The following PRKCZ variants were observed in gnomAD, a reference collection of about 807,000 sequenced individuals.
PRKCZ encodes the protein protein kinase C zeta type.
PRKCZ carries 33 observed loss-of-function variants against 79.5 expected under a neutral mutation model. The ratio of observed to expected loss-of-function variants is 0.41; its 90% CI spans 0.31 to 0.55. PRKCZ has a LOEUF of 0.55. Ranked by LOEUF, PRKCZ falls within the 20% of genes least tolerant of loss-of-function variation. The pLI, the probability that PRKCZ is intolerant of heterozygous loss-of-function variation, is 0.19. For synonymous variants in PRKCZ, 342 were observed against 320.9 expected, an observed-to-expected ratio of 1.07 and a Z score of -0.70; for missense variants, 578 against 813.5, an observed-to-expected ratio of 0.71 and a Z score of 3.52.
At chr1:2,068,235 C>T (rs1557488207) in intron 4 of PRKCZ, among the ~76,000 whole-genome samples, 1 of 152,214 alleles carries the variant, frequency 6.6e-6, no homozygotes, top group African/African-American at 2.4e-5. Flanking sequence ...GGCCCGGCTT[C>T]GATGCGGCCA....
intron 4 of PRKCZ, among the ~76,000 whole-genome samples, chr1:2,134,661 C>G (rs756928735): frequency 6.6e-6 from 1 of 152,136 alleles, no homozygotes; most frequent in African/African-American, 2.4e-5. Context: ...GCTCTCCTGC[C>G]CTGAGATTTA....
intron 3 of PRKCZ, among the ~76,000 whole-genome samples, chr1:2,058,954 G>A (rs1660429504): frequency 6.6e-6 from 1 of 151,980 alleles, no homozygotes; most frequent in South Asian, 2.1e-4. Flanking sequence ...ACTTTTATGT[G>A]TATACACACA....
intron 4 of PRKCZ, among the ~76,000 whole-genome samples, chr1:2,119,904 A>T (rs967062306): frequency 2.6e-5 from 4 of 151,208 alleles, no homozygotes; most frequent in Non-Finnish European, 5.9e-5. Flanking sequence ...CTCCTGGCTC[A>T]GCCTCCTGAG....
intron 4 of PRKCZ, among the ~76,000 whole-genome samples, chr1:2,061,903 G>A (rs1660709459): frequency 2.0e-5 from 3 of 152,222 alleles, no homozygotes; most frequent in Admixed American, 2.0e-4. Flanking sequence ...CTGGGGCTCT[G>A]TGGTTTTAGC....
intron 2 of PRKCZ, 44 bp from the exon 3 acceptor site, chr1:2,056,440 C>T: frequency 6.4e-7 from 1 of 1,573,408 alleles, no homozygotes; most frequent in Non-Finnish European, 8.7e-7. Flanking sequence ...CCCCCTTTGC[C>T]TCGGGCCTTC....
At chr1:2,054,941 A>ATTTTTT (rs552863793) in intron 1 of PRKCZ, among the ~76,000 whole-genome samples, 1 of 123,634 alleles carries the variant, frequency 8.1e-6, no homozygotes, top group Admixed American at 8.3e-5. Context: ...GATGGTGGTC[A>ATTTTTT]TTTTTTTTTT....
At chr1:2,050,040 G>C (rs886662055), upstream of PRKCZ, 1 of 152,324 alleles carries the variant, frequency 6.6e-6, no homozygotes, top group African/African-American at 2.4e-5. Context: ...CTGGACGGCG[G>C]GGCCCTCGGG....
intron 16 of PRKCZ, among the ~76,000 whole-genome samples, chr1:2,183,359 A>C (rs1166727742): frequency 2.6e-5 from 4 of 152,054 alleles, no homozygotes; most frequent in Non-Finnish European, 5.9e-5. Flanking sequence ...GCGCCACTGC[A>C]CTCCAGCCTG....
In PRKCZ at chr1:2,131,912, C is replaced by T. The variant is rs140260323; in HGVS notation, c.335-3350C>T. 4.2e-3 allele frequency among the ~76,000 whole-genome samples: 633 copies of T among 152,314 alleles called. 3 individuals are homozygous for T. The highest frequency in any genetic ancestry group is 0.014 in the African/African-American group (599 of 41,564). ...CTGCAAGCTCCACCTCCCGGGTTCA[C>T]GCCATTCTCCTGCCTCAGCCTCCCA... On this transcript the variant is annotated intron_variant, in intron 4 of 17. Transcript: ENST00000378567.
Position 2,172,839 on chromosome 1 carries a change from G to A in PRKCZ, c.1285+451G>A, listed in dbSNP as rs886288127. Among the ~76,000 whole-genome samples, 2 of 152,224 alleles carry A rather than the reference G, an allele frequency of 1.3e-5. No individual in the cohort carries two copies. Among genetic ancestry groups the A allele is most frequent in the African/African-American group, 2.4e-5 (1 of 41,452 alleles). On this transcript the variant is annotated intron_variant, in intron 13 of 17. Transcript: ENST00000378567. This position sits in a 1 kb window ranked among gnomAD's most constrained non-coding sequence, Gnocchi z 7.8. ...TTCTGCTCCTCTCCCCTCTCTGGGC[G>A]TGAAACGGGGACATGGGCACGCGTG...
chr1:2,167,784 T>C (rs1047817234), intron 10 of PRKCZ, among the ~76,000 whole-genome samples: 12 of 152,240 alleles, frequency 7.9e-5, no homozygotes, highest in African/African-American at 2.9e-4. Flanking sequence ...TTTGTATCTT[T>C]AGTAGAGATG....
At chr1:2,088,182 A>AC (rs1365449768) in intron 4 of PRKCZ, among the ~76,000 whole-genome samples, 1 of 151,902 alleles carries the variant, frequency 6.6e-6, no homozygotes, top group East Asian at 1.9e-4. Flanking sequence ...CCTGGCCCAG[A>AC]CTCCGCCTCC....
intron 10 of PRKCZ, among the ~76,000 whole-genome samples, chr1:2,161,721 A>G (rs940751431): frequency 6.6e-6 from 1 of 152,140 alleles, no homozygotes; most frequent in Admixed American, 6.6e-5. Flanking sequence ...TGATTTTGCT[A>G]GTAGTGAGCA....
intron 4 of PRKCZ, among the ~76,000 whole-genome samples, chr1:2,133,457 C>T (rs1173889441): frequency 2.0e-5 from 3 of 148,112 alleles, no homozygotes; most frequent in Admixed American, 2.0e-4. Context: ...CTTCCCTCAG[C>T]TCTACCCCCA....
At chr1:2,107,628 G>A (rs1382556678) in intron 4 of PRKCZ, among the ~76,000 whole-genome samples, 2 of 152,228 alleles carry the variant, frequency 1.3e-5, no homozygotes, top group East Asian at 1.9e-4. Flanking sequence ...CACAGGGAGG[G>A]AGGATGAGCC....
rs1049322735 is a variant in PRKCZ, at chr1:2,110,622, C to T, written c.335-24640C>T. On this transcript the variant is annotated intron_variant, in intron 4 of 17. Coordinates refer to ENST00000378567, the MANE Select transcript of PRKCZ (RefSeq NM_002744.6). Reference sequence around the variant, plus strand: ...CTGAGTCCACTGGGCCCTCGACACCCTTGGGTCACTTGTCCACCCTCACAC... The same window carrying T: ...CTGAGTCCACTGGGCCCTCGACACCTTTGGGTCACTTGTCCACCCTCACAC... 7.3e-4 allele frequency among the ~76,000 whole-genome samples: 111 copies of T among 152,068 alleles called. 1 individual carries two copies. The highest frequency in any genetic ancestry group is 1.2e-4 in the Non-Finnish European group (8 of 68,006).
At position 2,086,513 on chromosome 1, in the gene PRKCZ, C is replaced by G. The variant is rs1177559758; in HGVS notation, c.334+26922C>G. 3.3e-5 allele frequency among the ~76,000 whole-genome samples: 5 copies of G among 152,302 alleles called. No homozygotes were observed. In the South Asian group the frequency reaches 1.0e-3, roughly 32 times the overall value. On this transcript the variant is annotated intron_variant, in intron 4 of 17. Coordinates refer to ENST00000378567, the MANE Select transcript of PRKCZ (RefSeq NM_002744.6). ...CCCCCCATGCTACCCGCTTTTCCAT[C>G]AGGTTTTGTGTGTTGCTCGCATCCG... is the stretch of plus-strand genomic sequence containing the variant.
intron 4 of PRKCZ, among the ~76,000 whole-genome samples, chr1:2,102,557 C>T (rs1476007814): frequency 1.3e-5 from 2 of 152,048 alleles, no homozygotes; most frequent in Non-Finnish European, 2.9e-5. Context: ...TGGTCTCGAT[C>T]TCCTGACCTC....
At chr1:2,183,185 C>T (rs187504239) in intron 16 of PRKCZ, among the ~76,000 whole-genome samples, 7 of 152,144 alleles carry the variant, frequency 4.6e-5, no homozygotes, top group Non-Finnish European at 8.8e-5. Context: ...GAGCCGAGAT[C>T]GTGCCACTGC....
Sources: gnomAD v4.1 joint callset for allele counts (sites outside exome capture counted in the v4.1 genomes callset) on GRCh38, gnomAD v4.1.1 for gene constraint, Gnocchi (gnomAD v3.1) non-coding constraint, MANE v1.5 for transcripts, NCBI Gene and HGNC (gene_info 2026-07-23, HGNC 2026-07-21) for gene names.